The following SND1 variants were observed in gnomAD, a reference collection of about 807,000 sequenced individuals.
SND1 encodes the protein staphylococcal nuclease domain-containing protein 1.
Under a neutral mutation model 121.7 loss-of-function variants are expected in SND1, and 38 were observed. The ratio of observed to expected loss-of-function variants is 0.31; its 90% CI spans 0.24 to 0.41. The LOEUF (loss-of-function observed/expected upper bound fraction) is 0.41, where lower values mean the gene tolerates loss of function less well. Ranked by LOEUF, SND1 falls within the 10% of genes least tolerant of loss-of-function variation. The probability of loss-of-function intolerance (pLI) is 1.00; values close to 1 mark genes in which losing one functional copy is unlikely to be tolerated. For synonymous variants in SND1, 401 were observed against 447.4 expected, an observed-to-expected ratio of 0.90 and a Z score of 1.31; for missense variants, 868 against 1,184.6, an observed-to-expected ratio of 0.73 and a Z score of 3.92.
intron 16 of SND1, among the ~76,000 whole-genome samples, chr7:128,065,885 A>G (rs1301848314): frequency 6.6e-6 from 1 of 152,242 alleles, no homozygotes; most frequent in African/African-American, 2.4e-5. Context: ...ACCTTTGGGA[A>G]GATGGGTCCG....
intron 1 of SND1, among the ~76,000 whole-genome samples, chr7:127,673,570 C>G (rs1425456836): frequency 1.3e-5 from 2 of 152,182 alleles, no homozygotes; most frequent in Admixed American, 1.3e-4. Flanking sequence ...CCTCAGCCTC[C>G]CAAAGTCCTG....
intron 13 of SND1, among the ~76,000 whole-genome samples, chr7:127,896,579 A>G (rs1188582567): frequency 1.3e-5 from 2 of 152,154 alleles, no homozygotes; most frequent in East Asian, 3.9e-4. Context: ...ATCATTGTAA[A>G]ACAAATCAAA....
intron 12 of SND1, among the ~76,000 whole-genome samples, chr7:127,847,162 C>T (rs2116652861): frequency 6.6e-6 from 1 of 152,174 alleles, no homozygotes; most frequent in Non-Finnish European, 1.5e-5. Context: ...ATCTTAGCTA[C>T]TTGGGAGGCT....
chr7:127,741,091 A>C (rs1796873930), intron 10 of SND1, among the ~76,000 whole-genome samples: 1 of 152,214 alleles, frequency 6.6e-6, no homozygotes, highest in Non-Finnish European at 1.5e-5. Context: ...GAAAACCATT[A>C]ACATAATAAT....
At chr7:127,847,848 T>C (rs932495981) in intron 12 of SND1, among the ~76,000 whole-genome samples, 1 of 152,202 alleles carries the variant, frequency 6.6e-6, no homozygotes, top group Non-Finnish European at 1.5e-5. Flanking sequence ...TCAATTCTGT[T>C]TTCTCAATCT....
At chr7:128,030,867 A>C (rs1584749988) in intron 16 of SND1, 6 of 485,112 alleles carry the variant, frequency 1.2e-5, no homozygotes, top group East Asian at 6.7e-5. Flanking sequence ...GAAAGCTACG[A>C]CTCTCCCACA....
chr7:127,852,838 C>T (rs1243137002), intron 12 of SND1, among the ~76,000 whole-genome samples: 1 of 151,896 alleles, frequency 6.6e-6, no homozygotes, highest in Non-Finnish European at 1.5e-5. Context: ...AAAGAAATAA[C>T]ACCCTCTTCT....
intron 10 of SND1, among the ~76,000 whole-genome samples, chr7:127,749,973 G>A (rs1797056579): frequency 6.6e-6 from 1 of 152,174 alleles, no homozygotes. Flanking sequence ...GGTAGCATGT[G>A]CCTTTGGTCC....
intron 17 of SND1, among the ~76,000 whole-genome samples, chr7:128,078,383 T>C: frequency 6.6e-6 from 1 of 152,248 alleles, no homozygotes; most frequent in East Asian, 1.9e-4. Context: ...GACAGCTGTC[T>C]CTCTCCTACC....
At chr7:127,701,031 T>C in intron 4 of SND1, 132 bp from the exon 5 acceptor site, 1 of 958,664 alleles carries the variant, frequency 1.0e-6, no homozygotes, top group Non-Finnish European at 1.6e-6. Context: ...GGCTTGGGTC[T>C]TAAGCCATAG....
chr7:127,770,809 C>G (rs930411194), intron 10 of SND1, among the ~76,000 whole-genome samples: 5 of 152,104 alleles, frequency 3.3e-5, no homozygotes, highest in African/African-American at 4.8e-5. Flanking sequence ...CACTTAATTG[C>G]TTCTATATGC....
intron 16 of SND1, among the ~76,000 whole-genome samples, chr7:128,002,904 A>G (rs1006879720): frequency 2.0e-5 from 3 of 152,242 alleles, no homozygotes; most frequent in African/African-American, 7.2e-5. Flanking sequence ...GCACAGTGCC[A>G]GCAGAAGCAC....
chr7:127,837,524 A>G (rs1798888677), intron 11 of SND1, among the ~76,000 whole-genome samples: 1 of 152,186 alleles, frequency 6.6e-6, no homozygotes, highest in African/African-American at 2.4e-5. Context: ...GTACTTGCCT[A>G]GAAGGAGGTA....
At chr7:127,935,944 T>C (rs1801052239) in intron 15 of SND1, among the ~76,000 whole-genome samples, 1 of 152,200 alleles carries the variant, frequency 6.6e-6, no homozygotes, top group African/African-American at 2.4e-5. Context: ...TCCATTTTTA[T>C]GTGGCCTTTT....
At chr7:127,994,080 C>T (rs905001874) in intron 16 of SND1, among the ~76,000 whole-genome samples, 3 of 152,192 alleles carry the variant, frequency 2.0e-5, no homozygotes, top group Non-Finnish European at 2.9e-5. Context: ...GGAGTTCCTG[C>T]CTGAATTATA....
intron 12 of SND1, chr7:127,857,916 G>T: frequency 7.2e-7 from 1 of 1,380,692 alleles, no homozygotes; most frequent in Non-Finnish European, 1.0e-6. Context: ...CCAGCTTCCG[G>T]CAGTAAACAC....
intron 16 of SND1, among the ~76,000 whole-genome samples, chr7:128,042,864 A>G (rs1792879617): frequency 6.6e-6 from 1 of 152,210 alleles, no homozygotes; most frequent in Admixed American, 6.5e-5. Flanking sequence ...GCCAGCTGCT[A>G]TCTGAATCTG....
At chr7:128,003,322 AGGT>A (rs1802882044) in intron 16 of SND1, among the ~76,000 whole-genome samples, 1 of 152,238 alleles carries the variant, frequency 6.6e-6, no homozygotes, top group African/African-American at 2.4e-5. Context: ...TAGCAAGAAC[AGGT>A]ACCTCTTGAA....
chr7:127,802,154 T>C (rs1178651326), intron 10 of SND1, among the ~76,000 whole-genome samples: 3 of 152,060 alleles, frequency 2.0e-5, no homozygotes, highest in Non-Finnish European at 4.4e-5. Context: ...TCTAGAACTT[T>C]TTACTCCCCC....
Sources: allele counts gnomAD v4.1 joint callset (sites outside exome capture counted in the v4.1 genomes callset), GRCh38; gene constraint gnomAD v4.1.1; transcripts MANE v1.5; gene names NCBI Gene and HGNC (gene_info 2026-07-23, HGNC 2026-07-21).